The following PLXNC1 variants were observed in gnomAD, a reference collection of about 807,000 sequenced individuals.
The protein encoded by PLXNC1 is plexin C1, also known as plexin-C1.
Under a neutral mutation model 178.2 loss-of-function variants are expected in PLXNC1, and 75 were observed. That is an observed-to-expected ratio of 0.42 (90% CI 0.35 to 0.51). The LOEUF is 0.51. Ranked by LOEUF, PLXNC1 falls within the 20% of genes least tolerant of loss-of-function variation. The probability of loss-of-function intolerance (pLI) is 0.02; values close to 1 mark genes in which losing one functional copy is unlikely to be tolerated. For synonymous variants in PLXNC1, 790 were observed against 779.9 expected (o/e 1.01, Z -0.22); for missense variants, 1,503 against 1,984.4 (o/e 0.76, Z 4.61).
chr12:94,187,037 G>A (rs192830526), intron 4 of PLXNC1, among the ~76,000 whole-genome samples: 3 of 152,356 alleles, frequency 2.0e-5, no homozygotes, highest in East Asian at 1.9e-4. Flanking sequence ...GACTCGGAGC[G>A]GCTTCCCCGC....
intron 4 of PLXNC1, among the ~76,000 whole-genome samples, chr12:94,196,008 CT>C (rs1388871088): frequency 6.6e-6 from 1 of 152,008 alleles, no homozygotes; most frequent in Non-Finnish European, 1.5e-5. Flanking sequence ...AGTGACACTC[CT>C]TCCTCAAGCC....
Position 94,149,225 on chromosome 12 carries a change from G to C in PLXNC1, c.254G>C (p.Gly85Ala). Residue 85 changes from glycine (G) to alanine (A), a missense_variant, in exon 1 of 31, where the codon GGC becomes GCC. Physicochemically the swap from Gly to Ala is moderately conservative, Grantham distance 60. Transcript: ENST00000258526. ...SLSRLYRDQAGNCTEPVSLAP... is the reference protein window; with the variant it reads ...SLSRLYRDQAANCTEPVSLAP... ...TCGCGCCTGTACCGGGACCAAGCGG[G>C]CAACTGCACAGAGCCGGTCTCGCTG... 6.3e-7 allele frequency: 1 copy of C among 1,581,950 alleles called. No individual in the cohort carries two copies. The highest frequency in any genetic ancestry group is 8.6e-7 in the Non-Finnish European group (1 of 1,169,234).
chr12:94,210,366 G>A (rs1041161641), intron 5 of PLXNC1, among the ~76,000 whole-genome samples: 3 of 152,150 alleles, frequency 2.0e-5, no homozygotes, highest in African/African-American at 7.2e-5. Flanking sequence ...CGTGCCCTAC[G>A]GAAAAAGGGA....
chr12:94,276,334 G>A (rs1417391999), intron 21 of PLXNC1, among the ~76,000 whole-genome samples: 3 of 152,138 alleles, frequency 2.0e-5, no homozygotes, highest in Non-Finnish European at 4.4e-5. Flanking sequence ...CAAGATCGTA[G>A]GTGGTGGCAC....
chr12:94,232,321 T>G (rs1964124805), intron 9 of PLXNC1, among the ~76,000 whole-genome samples: 3 of 152,198 alleles, frequency 2.0e-5, no homozygotes, highest in Admixed American at 6.5e-5. Context: ...ACTCCTGACC[T>G]CAAGTGATCT....
intron 21 of PLXNC1, among the ~76,000 whole-genome samples, chr12:94,266,371 T>C (rs962082300): frequency 6.6e-6 from 1 of 152,134 alleles, no homozygotes; most frequent in African/African-American, 2.4e-5. Context: ...TTCTCAGCGT[T>C]CTGAATTGTA....
At chr12:94,296,607 A>G (rs1967943296) in intron 24 of PLXNC1, among the ~76,000 whole-genome samples, 1 of 152,136 alleles carries the variant, frequency 6.6e-6, no homozygotes, top group Non-Finnish European at 1.5e-5. Flanking sequence ...GAGATCCTAG[A>G]AAGGGTCAGC....
intron 23 of PLXNC1, among the ~76,000 whole-genome samples, chr12:94,292,910 T>C (rs1967500392): frequency 6.6e-6 from 1 of 152,256 alleles, no homozygotes; most frequent in Non-Finnish European, 1.5e-5. Flanking sequence ...ATAAGCGTAC[T>C]GCTGGATGAA....
At chr12:94,227,382 G>T in intron 9 of PLXNC1, 147 bp downstream of exon 9, 1 of 562,704 alleles carries the variant, frequency 1.8e-6, no homozygotes, top group Non-Finnish European at 3.2e-6. Context: ...TTTTAACCAA[G>T]TTTCACTTAA....
intron 14 of PLXNC1, 103 bp downstream of exon 14, chr12:94,248,515 C>T: frequency 1.1e-6 from 1 of 914,402 alleles, no homozygotes; most frequent in Non-Finnish European, 1.7e-6. Flanking sequence ...ATCTTCAGAT[C>T]CTCACTTTAA....
At chr12:94,222,545 C>A (rs1212709474) in intron 6 of PLXNC1, among the ~76,000 whole-genome samples, 1 of 152,218 alleles carries the variant, frequency 6.6e-6, no homozygotes, top group African/African-American at 2.4e-5. Flanking sequence ...TCTTGGCACC[C>A]AGGTTACCAG....
intron 30 of PLXNC1, 175 bp downstream of exon 30, chr12:94,304,226 C>G (rs923838472): frequency 5.0e-5 from 26 of 520,490 alleles, no homozygotes; most frequent in Non-Finnish European, 7.9e-5. Context: ...CATGGCTGCC[C>G]CCCTTACAGT....
chr12:94,258,809 G>A lies in PLXNC1; in HGVS notation c.3088-528G>A, dbSNP rs76906551. ...AGAGAGGTTAGGTAACACATCCCACGTCATGTGACCAGTATGTGATTAAAA... is the reference window on the plus strand; with the variant it reads ...AGAGAGGTTAGGTAACACATCCCACATCATGTGACCAGTATGTGATTAAAA... On this transcript the variant is annotated intron_variant, in intron 17 of 30. Transcript: ENST00000258526. 1.6e-3 allele frequency among the ~76,000 whole-genome samples: 248 copies of A among 152,348 alleles called. 3 individuals are homozygous for A. The highest frequency in any genetic ancestry group is 5.8e-3 in the African/African-American group (240 of 41,576).
At chr12:94,177,549 A>G (rs1470594029) in intron 2 of PLXNC1, among the ~76,000 whole-genome samples, 4 of 151,712 alleles carry the variant, frequency 2.6e-5, no homozygotes, top group African/African-American at 9.7e-5. Flanking sequence ...AAGAGAGAGA[A>G]AGAAAAAGAA....
intron 4 of PLXNC1, among the ~76,000 whole-genome samples, chr12:94,191,653 G>T (rs1962728336): frequency 6.6e-6 from 1 of 151,886 alleles, no homozygotes; most frequent in Non-Finnish European, 1.5e-5. Flanking sequence ...GTGTGGTGGT[G>T]CATGCCTGTA....
intron 17 of PLXNC1, among the ~76,000 whole-genome samples, chr12:94,255,701 A>C (rs1181023896): frequency 2.6e-5 from 4 of 152,204 alleles, no homozygotes; most frequent in African/African-American, 9.6e-5. Context: ...ATTATTCACT[A>C]TTACTTCTCA....
At position 94,149,281 on chromosome 12, in the gene PLXNC1, A is replaced by G. The variant is rs1396710670; in HGVS notation, c.310A>G (p.Ser104Gly). The G allele has an allele frequency of 2.7e-6, 4 of 1,505,090 alleles. No homozygotes were observed. Among genetic ancestry groups the G allele is most frequent in the Admixed American group, 2.2e-5 (1 of 44,524 alleles). The allele number at this position is 1,505,090 out of a possible 1,614,324, so 93.2% of individuals were successfully genotyped here. The change falls in exon 1 of 31, where the codon AGC becomes GGC. Residue 104 changes from serine to glycine, a missense_variant. By Grantham distance (56) the Ser-to-Gly change is moderately conservative (BLOSUM62 0). Transcript: ENST00000258526. ...CCCCGCGCGGCCCCGGCCCGGGAGC[A>G]GCTTCAGCAAGCTGCTGCTGCCCTA... ...APPARPRPGSSFSKLLLPYRE... is the reference protein window; with the variant it reads ...APPARPRPGSGFSKLLLPYRE...
chr12:94,262,830 C>T (rs1487738807), intron 20 of PLXNC1: 2 of 939,196 alleles, frequency 2.1e-6, no homozygotes, highest in African/African-American at 3.5e-5. Context: ...TTGAATGTGC[C>T]AGACAGCATG....
In PLXNC1 at chr12:94,305,358, T is replaced by TTA. The variant is rs1440002172; in HGVS notation, c.*73_*74insTA. On this transcript the variant is annotated 3_prime_UTR_variant, in exon 31 of 31. Coordinates refer to ENST00000258526, the MANE Select transcript of PLXNC1 (RefSeq NM_005761.3). ...GGAGCAAAATGGCTGCTTGAGCTACTCTGTGTCGTTAATTTGTTGTTTGCA... is the reference window on the plus strand; with the variant it reads ...GGAGCAAAATGGCTGCTTGAGCTACTTACTGTGTCGTTAATTTGTTGTTTGCA... 1 of 815,796 alleles carries TTA rather than the reference T, an allele frequency of 1.2e-6. No homozygotes were observed. The highest frequency in any genetic ancestry group is 2.0e-6 in the Non-Finnish European group (1 of 491,736). The allele number at this position is 815,796 out of a possible 1,614,324, so 50.5% of individuals were successfully genotyped here.
Sources: gnomAD v4.1 joint callset for allele counts (sites outside exome capture counted in the v4.1 genomes callset) on GRCh38, gnomAD v4.1.1 for gene constraint, MANE v1.5 for transcripts, NCBI Gene and HGNC (gene_info 2026-07-23, HGNC 2026-07-21) for gene names.